Variants in ERAL1 observed in about 807,000 individuals in gnomAD.
ERAL1 encodes GTPase Era, mitochondrial.
ERAL1 carries 36 observed loss-of-function variants against 53.6 expected under a neutral mutation model. That is an observed-to-expected ratio of 0.67 (90% CI 0.51 to 0.89). The LOEUF (loss-of-function observed/expected upper bound fraction) is 0.89, where lower values mean the gene tolerates loss of function less well. Ranked by LOEUF, ERAL1 falls within the 40% of genes least tolerant of loss-of-function variation. The probability of loss-of-function intolerance (pLI) is 0.00; values close to 1 mark genes in which losing one functional copy is unlikely to be tolerated. For synonymous variants in ERAL1, 215 were observed against 211.8 expected, an observed-to-expected ratio of 1.02 and a Z score of -0.13; for missense variants, 512 against 537.5, an observed-to-expected ratio of 0.95 and a Z score of 0.47.
At chr17:28,859,594 C>T (rs569130478) in intron 9 of ERAL1, among the ~76,000 whole-genome samples, 1 of 151,770 alleles carries the variant, frequency 6.6e-6, no homozygotes, top group Non-Finnish European at 1.5e-5. Context: ...GGCTGGAGTG[C>T]AGTGGCGTGA....
chr17:28,860,001 G>T (rs987653227), intron 9 of ERAL1, among the ~76,000 whole-genome samples: 2 of 149,290 alleles, frequency 1.3e-5, no homozygotes, highest in African/African-American at 4.9e-5. Flanking sequence ...TTTGAGCCAG[G>T]TTCTTGCTCT....
chr17:28,855,097 G>A lies in ERAL1; in HGVS notation c.63G>A (p.Val21=). Reference sequence around the variant, plus strand: ...AATCGGTGTTAAGAGTCTGGCAGGTGGGCCCTCATGTCGCGAGGGAGCGGG... The same window carrying A: ...AATCGGTGTTAAGAGTCTGGCAGGTAGGCCCTCATGTCGCGAGGGAGCGGG... ...LVQSVLRVWQ[V]GPHVARERVI... is the part of the protein sequence containing the mutation. The change falls in exon 1 of 10, where the codon GTG becomes GTA. Residue 21 remains valine (V), a synonymous_variant. Coordinates refer to ENST00000254928, the MANE Select transcript of ERAL1 (RefSeq NM_005702.4). 1 of 1,614,204 alleles carries A rather than the reference G, an allele frequency of 6.2e-7. No homozygotes were observed. Among genetic ancestry groups the A allele is most frequent in the African/African-American group, 1.3e-5 (1 of 75,060 alleles).
At position 28,859,014 on chromosome 17, in the gene ERAL1, A is replaced by G; in HGVS notation, c.1011A>G (p.Ala337=). The G allele has an allele frequency of 1.9e-6, 3 of 1,614,164 alleles. No individual in the cohort carries two copies. Among genetic ancestry groups the G allele is most frequent in the Non-Finnish European group, 2.5e-6 (3 of 1,179,988 alleles). The stretch of plus-strand genomic sequence containing the variant: ...CAGGGCCCTGGGAGTACCACAGTGC[A>G]GTCCTCACTAGCCAGACACCAGAAG... ...AQPGPWEYHS[A]VLTSQTPEEI... Residue 337 remains alanine (A), a synonymous_variant, in exon 8 of 10, where the codon GCA becomes GCG. Coordinates refer to ENST00000254928, the MANE Select transcript of ERAL1 (RefSeq NM_005702.4).
chr17:28,859,245 A>G lies in ERAL1; in HGVS notation c.1153A>G (p.Ile385Val), dbSNP rs540938776. 2 of 1,614,210 alleles carry G rather than the reference A, an allele frequency of 1.2e-6. No homozygotes were observed. The highest frequency in any genetic ancestry group is 1.7e-6 in the Non-Finnish European group (2 of 1,180,032). Residue 385 changes from isoleucine (I) to valine (V), a missense_variant, in exon 9 of 10, where the codon ATC becomes GTC. Ile to Val is a conservative substitution (Grantham distance 29). Transcript: ENST00000254928. ...GGAAGGACCAGGTGGGGAGCTGGTT[A>G]TCCAACAGAAGCTTCTGGTGCCCAA... ...WEEGPGGELV[I>V]QQKLLVPKES...
At chr17:28,859,544 CT>C (rs562532059) in intron 9 of ERAL1, among the ~76,000 whole-genome samples, 194 of 142,700 alleles carry the variant, frequency 1.4e-3, no homozygotes, top group Admixed American at 1.7e-3. Context: ...TTATAATTTT[CT>C]TTTTTTTTTT....
At chr17:28,858,276 G>A (rs2039265709) in intron 5 of ERAL1, 69 bp downstream of exon 5, 3 of 1,608,552 alleles carry the variant, frequency 1.9e-6, no homozygotes, top group Admixed American at 3.3e-5. Flanking sequence ...TTGGTAGTTT[G>A]GGGGGCAAAA....
intron 3 of ERAL1, 132 bp downstream of exon 3, chr17:28,856,714 C>CCT: frequency 3.3e-6 from 2 of 602,704 alleles, no homozygotes; most frequent in South Asian, 4.0e-5. Context: ...TTTTCTTTTT[C>CCT]TTTTTTTTTT....
At position 28,859,351 on chromosome 17, in the gene ERAL1, A is replaced by G. The variant is rs939268548; in HGVS notation, c.1191+68A>G. 16 of 1,454,974 alleles carry G rather than the reference A, an allele frequency of 1.1e-5. No individual in the cohort carries two copies. The East Asian group carries it at 3.4e-4, about 31-fold the overall frequency. 90.1% of individuals were successfully genotyped at this position (1,454,974 alleles called of 1,614,324 possible). The stretch of plus-strand genomic sequence containing the variant: ...GGCAGGAGTTCTTCCCCCAGCTTGG[A>G]GCCCTGAGAGCAGGACCATATCCTT... On this transcript the variant is annotated intron_variant, in intron 9 of 9. Coordinates refer to ENST00000254928, the MANE Select transcript of ERAL1 (RefSeq NM_005702.4).
chr17:28,857,860 A>G (rs2039261257), intron 3 of ERAL1, 79 bp from the exon 4 acceptor site: 3 of 1,490,114 alleles, frequency 2.0e-6, no homozygotes, highest in South Asian at 2.3e-5. Context: ...GGCTCCTGAC[A>G]TCACAGGTAG....
At chr17:28,859,847 G>A (rs1047856618) in intron 9 of ERAL1, among the ~76,000 whole-genome samples, 1 of 152,102 alleles carries the variant, frequency 6.6e-6, no homozygotes, top group Non-Finnish European at 1.5e-5. Flanking sequence ...TTTTTGTAGA[G>A]AAGGGGTTTC....
At chr17:28,859,306 G>A (rs2039279182) in intron 9 of ERAL1, 23 bp downstream of exon 9, 4 of 1,611,522 alleles carry the variant, frequency 2.5e-6, no homozygotes, top group Admixed American at 1.7e-5. Flanking sequence ...AGGCTCAGAG[G>A]AGAGATCAAG....
Position 28,856,599 on chromosome 17 carries a change from G to A in ERAL1, c.489+17G>A, listed in dbSNP as rs1234401524. On this transcript the variant is annotated intron_variant, in intron 3 of 9. Coordinates refer to ENST00000254928, the MANE Select transcript of ERAL1 (RefSeq NM_005702.4). The stretch of plus-strand genomic sequence containing the variant: ...ACCCAGGTGGTGGGTACCTACAAAG[G>A]GAGTCCTTGAAACAGGACAGAGGGT... The A allele has an allele frequency of 6.2e-7, 1 of 1,613,076 alleles. No individual in the cohort carries two copies. Among genetic ancestry groups the A allele is most frequent in the Non-Finnish European group, 8.5e-7 (1 of 1,179,154 alleles).
chr17:28,856,669 T>C, intron 3 of ERAL1, 87 bp downstream of exon 3: 1 of 1,199,332 alleles, frequency 8.3e-7, no homozygotes, highest in African/African-American at 1.5e-5. Flanking sequence ...AAGAAAATGA[T>C]GGTCACATTC....
At position 28,860,451 on chromosome 17, in the gene ERAL1, G is replaced by A. The variant is rs376611743; in HGVS notation, c.1212G>A (p.Lys404=). 10 of 1,611,322 alleles carry A rather than the reference G, an allele frequency of 6.2e-6. No individual in the cohort carries two copies. In the African/African-American group the frequency reaches 1.3e-4, roughly 22 times the overall value. ...ESYVKLLIGP[K]GHVISQIAQE... is the part of the protein sequence containing the mutation. Reference sequence around the variant, plus strand: ...CTCAGAAACTCCTGATTGGTCCGAAGGGCCACGTGATCTCCCAGATAGCAC... The same window carrying A: ...CTCAGAAACTCCTGATTGGTCCGAAAGGCCACGTGATCTCCCAGATAGCAC... The change falls in exon 10 of 10, where the codon AAG becomes AAA. Residue 404 remains lysine, a synonymous_variant. Coordinates refer to ENST00000254928, the MANE Select transcript of ERAL1 (RefSeq NM_005702.4).
In ERAL1 at chr17:28,858,355, C is replaced by T. The variant is rs1302434350; in HGVS notation, c.599-19C>T. 1.2e-6 allele frequency: 2 copies of T among 1,613,452 alleles called. No individual in the cohort carries two copies. Among genetic ancestry groups the T allele is most frequent in the Non-Finnish European group, 1.7e-6 (2 of 1,179,516 alleles). ...AGTGACCATTTCCTTTTCCTTCTTCCTGCCTTGCCATCTTCTAGTTGTGGT... is the reference window on the plus strand; with the variant it reads ...AGTGACCATTTCCTTTTCCTTCTTCTTGCCTTGCCATCTTCTAGTTGTGGT... On this transcript the variant is annotated intron_variant, in intron 5 of 9. Coordinates refer to ENST00000254928, the MANE Select transcript of ERAL1 (RefSeq NM_005702.4).
Position 28,858,763 on chromosome 17 carries a change from C to A in ERAL1, c.899C>A (p.Pro300His). ...SVGNPQRIGW[P>H]HFKEIFMLSA... Reference sequence around the variant, plus strand: ...GGAAATCCTCAGAGGATTGGCTGGCCCCACTTCAAGGAGATCTTCATGTTG... The same window carrying A: ...GGAAATCCTCAGAGGATTGGCTGGCACCACTTCAAGGAGATCTTCATGTTG... The change falls in exon 7 of 10, where the codon CCC becomes CAC. Residue 300 changes from proline (P) to histidine (H), a missense_variant. Physicochemically the swap from Pro to His is moderately conservative, Grantham distance 77 (BLOSUM62 -2). Transcript: ENST00000254928. The A allele has an allele frequency of 6.2e-7, 1 of 1,614,200 alleles. No individual in the cohort carries two copies. Among genetic ancestry groups the A allele is most frequent in the Non-Finnish European group, 8.5e-7 (1 of 1,180,026 alleles).
intron 9 of ERAL1, 43 bp from the exon 10 acceptor site, chr17:28,860,388 T>C (rs371518562): frequency 1.9e-6 from 3 of 1,607,720 alleles, no homozygotes; most frequent in Non-Finnish European, 1.7e-6. Context: ...ACTACAGGCA[T>C]GTGCCATCAT....
Position 28,857,987 on chromosome 17 carries a change from T to C in ERAL1, c.536+2T>C. 1.2e-6 allele frequency: 2 copies of C among 1,613,826 alleles called. No homozygotes were observed. ...TATCAGTCCTGGTAAACAGAAGAGG[T>C]AATGGTGGTGGAATTGGGGTGGATT... On this transcript the variant is annotated splice_donor_variant, in intron 4 of 9. Coordinates refer to ENST00000254928, the MANE Select transcript of ERAL1 (RefSeq NM_005702.4). LOFTEE classifies it high-confidence loss of function.
intron 4 of ERAL1, 28 bp downstream of exon 4, chr17:28,858,013 G>C (rs1214972514): frequency 6.2e-7 from 1 of 1,614,122 alleles, no homozygotes; most frequent in South Asian, 1.1e-5. Flanking sequence ...GGGGTGGATT[G>C]GCGGGGAGGT....
Sources: gnomAD v4.1 joint callset for allele counts (sites outside exome capture counted in the v4.1 genomes callset) on GRCh38, gnomAD v4.1.1 for gene constraint, MANE v1.5 for transcripts, NCBI Gene and HGNC (gene_info 2026-07-23, HGNC 2026-07-21) for gene names.